Variants in CAMKMT observed in about 807,000 individuals in gnomAD.
The protein encoded by CAMKMT is CaM KMT.
Under a neutral mutation model 48.0 loss-of-function variants are expected in CAMKMT, and 53 were observed. The observed-to-expected ratio is 1.10, with a 90% CI of 0.89 to 1.39. The LOEUF (loss-of-function observed/expected upper bound fraction) is 1.39. Ranked by LOEUF, CAMKMT falls within the 40% of genes most tolerant of loss-of-function variation. The pLI is 0.00. For synonymous variants in CAMKMT, 165 were observed against 152.3 expected (o/e 1.08, Z -0.61); for missense variants, 428 against 402.7 (o/e 1.06, Z -0.54).
chr2:44,572,643 A>G (rs112762767), intron 3 of CAMKMT, among the ~76,000 whole-genome samples: 1,717 of 152,204 alleles, frequency 0.011, 22 homozygotes, highest in African/African-American at 0.035. Flanking sequence ...TTTGGGGTCT[A>G]TCTCTGGAAG....
chr2:44,478,646 T>G (rs1054694143), intron 3 of CAMKMT, among the ~76,000 whole-genome samples: 3 of 151,900 alleles, frequency 2.0e-5, no homozygotes, highest in Non-Finnish European at 4.4e-5. Flanking sequence ...AAAGGGAAGG[T>G]GTCATTTTCT....
At chr2:44,388,866 C>T (rs925928203) in intron 2 of CAMKMT, among the ~76,000 whole-genome samples, 3 of 152,068 alleles carry the variant, frequency 2.0e-5, no homozygotes, top group Non-Finnish European at 4.4e-5. Flanking sequence ...GTCTATGGGT[C>T]TCTTAGCTGT....
chr2:44,564,035 C>T (rs1365582787), intron 3 of CAMKMT, among the ~76,000 whole-genome samples: 1 of 152,114 alleles, frequency 6.6e-6, no homozygotes, highest in African/African-American at 2.4e-5. Context: ...GTTCTAGATC[C>T]TTGAGGAATC....
At chr2:44,686,282 A>G (rs1487969864) in intron 3 of CAMKMT, among the ~76,000 whole-genome samples, 1 of 151,670 alleles carries the variant, frequency 6.6e-6, no homozygotes, top group Non-Finnish European at 1.5e-5. Flanking sequence ...AGTCCCAGCT[A>G]CTCGGGAGGC....
chr2:44,642,353 T>G (rs1572979630), intron 3 of CAMKMT, among the ~76,000 whole-genome samples: 1 of 152,282 alleles, frequency 6.6e-6, no homozygotes, highest in Non-Finnish European at 1.5e-5. Flanking sequence ...AGAAATAAAG[T>G]GCCCTCTGAA....
At chr2:44,667,343 A>G (rs1675052636) in intron 3 of CAMKMT, among the ~76,000 whole-genome samples, 1 of 152,154 alleles carries the variant, frequency 6.6e-6, no homozygotes, top group Non-Finnish European at 1.5e-5. Flanking sequence ...TCCCCTGAGG[A>G]CCCTGCTTCC....
At chr2:44,644,758 G>A (rs1572984343) in intron 3 of CAMKMT, among the ~76,000 whole-genome samples, 1 of 152,092 alleles carries the variant, frequency 6.6e-6, no homozygotes, top group East Asian at 1.9e-4. Flanking sequence ...GGGGTTTTTG[G>A]TAAGCAAATA....
At chr2:44,675,149 A>T (rs1041019586) in intron 3 of CAMKMT, among the ~76,000 whole-genome samples, 1 of 151,506 alleles carries the variant, frequency 6.6e-6, no homozygotes, top group Admixed American at 6.6e-5. Context: ...ACATTCCCTT[A>T]ATTCTCTCCC....
chr2:44,582,418 T>C (rs1054723314), intron 3 of CAMKMT, among the ~76,000 whole-genome samples: 4 of 152,228 alleles, frequency 2.6e-5, no homozygotes, highest in Non-Finnish European at 5.9e-5. Context: ...TTAAACATAA[T>C]TCTCCATTTC....
intron 3 of CAMKMT, among the ~76,000 whole-genome samples, chr2:44,611,984 G>A (rs560887594): frequency 6.6e-6 from 1 of 152,222 alleles, no homozygotes; most frequent in South Asian, 2.1e-4. Flanking sequence ...CTCCCACCAG[G>A]CCCCACCTCC....
chr2:44,377,268 A>T (rs1679795904), intron 2 of CAMKMT, among the ~76,000 whole-genome samples: 1 of 152,136 alleles, frequency 6.6e-6, no homozygotes, highest in Admixed American at 6.5e-5. Flanking sequence ...TGACCTCCCA[A>T]AGTGCTGGGA....
At chr2:44,770,605 T>C (rs1681063481) in intron 10 of CAMKMT, among the ~76,000 whole-genome samples, 1 of 152,172 alleles carries the variant, frequency 6.6e-6, no homozygotes, top group Admixed American at 6.5e-5. Context: ...CTTCCCTCTG[T>C]AAAATACTTC....
intron 3 of CAMKMT, among the ~76,000 whole-genome samples, chr2:44,645,013 C>T (rs1006484364): frequency 2.0e-5 from 3 of 152,094 alleles, no homozygotes; most frequent in Non-Finnish European, 4.4e-5. Context: ...CATTATTTCC[C>T]CATCGATAAA....
intron 3 of CAMKMT, among the ~76,000 whole-genome samples, chr2:44,677,599 T>A (rs1202910291): frequency 6.6e-6 from 1 of 151,802 alleles, no homozygotes; most frequent in Non-Finnish European, 1.5e-5. Flanking sequence ...TCCCAGCTAC[T>A]CAGGAGGCTG....
At chr2:44,456,604 A>C in intron 3 of CAMKMT, 1 of 1,549,598 alleles carries the variant, frequency 6.5e-7, no homozygotes, top group South Asian at 1.2e-5. Flanking sequence ...TATCACCATC[A>C]GTAGTAACTC....
At chr2:44,450,288 A>G (rs7568690) in intron 3 of CAMKMT, among the ~76,000 whole-genome samples, 3,437 of 152,216 alleles carry the variant, frequency 0.023, 130 homozygotes, top group African/African-American at 0.079. Flanking sequence ...GCTGTCTTCC[A>G]TGTGCCTTGA....
chr2:44,586,585 C>T (rs571219970), intron 3 of CAMKMT, among the ~76,000 whole-genome samples: 22 of 152,152 alleles, frequency 1.4e-4, no homozygotes, highest in Non-Finnish European at 2.9e-4. Context: ...CATGCTTTCA[C>T]TCAGCATAAT....
chr2:44,677,541 C>G (rs1044580962), intron 3 of CAMKMT, among the ~76,000 whole-genome samples: 2 of 152,018 alleles, frequency 1.3e-5, no homozygotes, highest in Non-Finnish European at 2.9e-5. Flanking sequence ...AACCCTATCT[C>G]TACTAAAAAT....
At chr2:44,378,099 G>A (rs577011452) in intron 2 of CAMKMT, among the ~76,000 whole-genome samples, 2 of 152,110 alleles carry the variant, frequency 1.3e-5, no homozygotes, top group Non-Finnish European at 2.9e-5. Flanking sequence ...AACAACAGAG[G>A]TGATTATAGC....
Sources: gnomAD v4.1 joint callset for allele counts (sites outside exome capture counted in the v4.1 genomes callset) on GRCh38, gnomAD v4.1.1 for gene constraint, MANE v1.5 for transcripts, NCBI Gene and HGNC (gene_info 2026-07-23, HGNC 2026-07-21) for gene names.